The following EIF4E3 variants were observed in gnomAD, a reference collection of about 807,000 sequenced individuals.
EIF4E3 encodes the protein eukaryotic translation initiation factor 4E type 3.
In EIF4E3, 26 loss-of-function variants were observed where a neutral mutation model predicts 31.7. That is an observed-to-expected ratio of 0.82 (90% CI 0.60 to 1.14). The LOEUF (loss-of-function observed/expected upper bound fraction) is 1.14, where lower values mean the gene tolerates loss of function less well. EIF4E3 is among the 50% of genes most tolerant of loss of function. The pLI is 0.00. For missense variants in EIF4E3, 304 were observed against 270.9 expected, an observed-to-expected ratio of 1.12 and a Z score of -0.86; for synonymous variants, 128 against 107.7, an observed-to-expected ratio of 1.19 and a Z score of -1.17.
intron 4 of EIF4E3, among the ~76,000 whole-genome samples, chr3:71,695,895 G>C (rs1171060782): frequency 6.6e-6 from 1 of 152,094 alleles, no homozygotes; most frequent in Admixed American, 6.5e-5. Context: ...GGGAAATCTG[G>C]GTTTCTGAGA....
intron 2 of EIF4E3, among the ~76,000 whole-genome samples, chr3:71,707,470 T>A (rs190193296): frequency 2.0e-4 from 31 of 152,272 alleles, no homozygotes; most frequent in Admixed American, 5.2e-4. Flanking sequence ...TACCATCTCA[T>A]CTAACTTTCA....
intron 2 of EIF4E3, among the ~76,000 whole-genome samples, chr3:71,708,141 G>C (rs150690534): frequency 6.6e-6 from 1 of 152,156 alleles, no homozygotes; most frequent in South Asian, 2.1e-4. Context: ...CCCAAAGTGC[G>C]GGGATTACAG....
At chr3:71,695,708 G>A (rs541582106) in intron 4 of EIF4E3, among the ~76,000 whole-genome samples, 17 of 152,142 alleles carry the variant, frequency 1.1e-4, no homozygotes, top group Middle Eastern at 3.2e-3. Flanking sequence ...TGGGTCCCTG[G>A]AGACATTTCA....
At chr3:71,686,332 A>C (rs1187468628) in intron 6 of EIF4E3, among the ~76,000 whole-genome samples, 1 of 151,982 alleles carries the variant, frequency 6.6e-6, no homozygotes, top group Non-Finnish European at 1.5e-5. Context: ...ACTATTGCTG[A>C]GGGGGTGGAT....
At chr3:71,749,681 C>A (rs1252975774) in intron 1 of EIF4E3, among the ~76,000 whole-genome samples, 1 of 150,886 alleles carries the variant, frequency 6.6e-6, no homozygotes, top group South Asian at 2.1e-4. Context: ...AAAGAAGTGA[C>A]ATAAATGATT....
intron 1 of EIF4E3, among the ~76,000 whole-genome samples, chr3:71,741,892 T>G (rs1035428142): frequency 6.6e-6 from 1 of 152,148 alleles, no homozygotes; most frequent in African/African-American, 2.4e-5. Flanking sequence ...ACTTATAAAC[T>G]AAATAACACA....
At chr3:71,684,874 C>A in intron 6 of EIF4E3, 146 bp from the exon 7 acceptor site, 2 of 744,556 alleles carry the variant, frequency 2.7e-6, no homozygotes, top group Non-Finnish European at 4.2e-6. Context: ...TATTTTTTTG[C>A]CAGTAACTGT....
At chr3:71,671,405 T>C (rs550034633), downstream of EIF4E3, among the ~76,000 whole-genome samples, 109 of 152,042 alleles carry the variant, frequency 7.2e-4, no homozygotes, top group African/African-American at 2.5e-3. Flanking sequence ...AGAGACAGCA[T>C]GGCAGCATCC....
At chr3:71,741,215 C>CACACACAT (rs1440952043) in intron 1 of EIF4E3, among the ~76,000 whole-genome samples, 7 of 151,942 alleles carry the variant, frequency 4.6e-5, no homozygotes, top group East Asian at 3.9e-4. Context: ...CACACACACA[C>CACACACAT]ATCCTGGAAT....
Position 71,684,546 on chromosome 3 carries a change from G to T in EIF4E3, c.*136C>A. ...CCACCTGCCACTTTGAGTCCTAATT[G>T]CCCATCTGCAAGGACAGAAACCCAC... On this transcript the variant is annotated 3_prime_UTR_variant, in exon 7 of 7. Transcript: ENST00000425534. 2 of 838,232 alleles carry T rather than the reference G, an allele frequency of 2.4e-6. No individual in the cohort carries two copies. Among genetic ancestry groups the T allele is most frequent in the Non-Finnish European group, 3.7e-6 (2 of 545,928 alleles). 51.9% of individuals were successfully genotyped at this position (838,232 alleles called of 1,614,324 possible).
rs1383347105 is a variant in EIF4E3, at chr3:71,676,181, A to G, written c.*8501T>C. ...GTGTGTCATTTTGCACTCATCATTT[A>G]AAAGACTTACAAATAAGTTTTCTGA... On this transcript the variant is annotated 3_prime_UTR_variant, in exon 7 of 7. Coordinates refer to ENST00000425534, the MANE Select transcript of EIF4E3 (RefSeq NM_001134651.2). 6.6e-6 allele frequency: 1 copy of G among 152,252 alleles called. No individual in the cohort carries two copies. 9.4% of individuals were successfully genotyped at this position (152,252 alleles called of 1,614,324 possible).
intron 2 of EIF4E3, among the ~76,000 whole-genome samples, chr3:71,701,192 A>G (rs2049211720): frequency 6.6e-6 from 1 of 152,242 alleles, no homozygotes; most frequent in Admixed American, 6.5e-5. Flanking sequence ...GTAAACAGAA[A>G]TAGATTATAC....
intron 1 of EIF4E3, among the ~76,000 whole-genome samples, chr3:71,752,199 G>C (rs1047148421): frequency 6.6e-6 from 1 of 152,168 alleles, no homozygotes; most frequent in African/African-American, 2.4e-5. Context: ...GAGCTTGTTA[G>C]AAATGCAGAA....
intron 1 of EIF4E3, among the ~76,000 whole-genome samples, chr3:71,741,123 A>G (rs1279434803): frequency 6.6e-6 from 1 of 152,126 alleles, no homozygotes; most frequent in Non-Finnish European, 1.5e-5. Context: ...CAACAGGGTG[A>G]GACTCCATCT....
chr3:71,751,475 T>C (rs983989282), intron 1 of EIF4E3, among the ~76,000 whole-genome samples: 1 of 152,288 alleles, frequency 6.6e-6, no homozygotes, highest in African/African-American at 2.4e-5. Context: ...AGTATTACCA[T>C]AAAGCAACCA....
At chr3:71,710,613 G>T in intron 1 of EIF4E3, 129 bp from the exon 2 acceptor site, 1 of 816,902 alleles carries the variant, frequency 1.2e-6, no homozygotes, top group Non-Finnish European at 1.9e-6. Flanking sequence ...GACATTTTGG[G>T]GATGCTAGTT....
the EIF4E3 span, among the ~76,000 whole-genome samples, chr3:71,661,522 A>C: frequency 2.0e-5 from 3 of 152,194 alleles, no homozygotes; most frequent in Non-Finnish European, 4.4e-5. Context: ...TGCGTCAAAT[A>C]AAGAGGATAT....
intron 1 of EIF4E3, among the ~76,000 whole-genome samples, chr3:71,737,538 C>CA (rs926354600): frequency 3.3e-5 from 5 of 151,738 alleles, no homozygotes; most frequent in Admixed American, 1.3e-4. Context: ...ACTCCAATCA[C>CA]AAAAAACATG....
At chr3:71,702,519 G>T (rs969336165) in intron 2 of EIF4E3, among the ~76,000 whole-genome samples, 3 of 152,266 alleles carry the variant, frequency 2.0e-5, no homozygotes, top group South Asian at 4.1e-4. Flanking sequence ...TAAAGATCAT[G>T]CTAAGGATTG....
Sources: gnomAD v4.1 joint callset for allele counts (sites outside exome capture counted in the v4.1 genomes callset) on GRCh38, gnomAD v4.1.1 for gene constraint, MANE v1.5 for transcripts, NCBI Gene and HGNC (gene_info 2026-07-23, HGNC 2026-07-21) for gene names.